The following IL34 variants were observed in gnomAD, a reference collection of about 807,000 sequenced individuals.
The protein encoded by IL34 is interleukin-34.
A neutral mutation model predicts 25.3 loss-of-function variants in IL34; 17 were observed. The ratio of observed to expected loss-of-function variants is 0.67; its 90% CI spans 0.46 to 1.01. IL34 has a LOEUF of 1.01. Among genes scored for constraint, IL34 ranks in the 50% least tolerant of loss-of-function variants. IL34 has a pLI of 0.00. For synonymous variants in IL34, 174 were observed against 140.9 expected (o/e 1.23, Z -1.66); for missense variants, 368 against 312.9 (o/e 1.18, Z -1.33).
intron 1 of IL34, among the ~76,000 whole-genome samples, chr16:70,628,931 G>GCA (rs2051457780): frequency 6.6e-6 from 1 of 151,916 alleles, no homozygotes; most frequent in Non-Finnish European, 1.5e-5. Flanking sequence ...GGGACAGCAA[G>GCA]CATGTACCAT....
intron 1 of IL34, among the ~76,000 whole-genome samples, chr16:70,636,585 T>TCACACACA (rs34816911): frequency 0.013 from 1,778 of 136,458 alleles, 36 homozygotes; most frequent in African/African-American, 0.039. Flanking sequence ...GCAAACCCTG[T>TCACACACA]CACACACACA....
At position 70,660,111 on chromosome 16, in the gene IL34, GGTCCCCCA is replaced by G; in HGVS notation, c.655_662del (p.Ser219LeufsTer31). The G allele has an allele frequency of 6.2e-7, 1 of 1,613,290 alleles. No individual in the cohort carries two copies. The highest frequency in any genetic ancestry group is 8.5e-7 in the Non-Finnish European group (1 of 1,179,776). ...ACCCAGCTGTACCCTCCGCCCCCGT[GGTCCCCCA>G]GCTCCCCGCCTCACTCCACGGGCTC... On this transcript the variant is annotated frameshift_variant, in exon 6 of 6. Coordinates refer to ENST00000288098, the MANE Select transcript of IL34 (RefSeq NM_001393494.1). LOFTEE classifies it low-confidence loss of function (END_TRUNC).
At chr16:70,630,568 CTCT>C (rs552622704) in intron 1 of IL34, among the ~76,000 whole-genome samples, 3 of 151,658 alleles carry the variant, frequency 2.0e-5, no homozygotes, top group Admixed American at 6.6e-5. Flanking sequence ...CTCTCCTCTC[CTCT>C]TCTTTCTTTT....
At chr16:70,657,691 C>T (rs1277238076) in intron 4 of IL34, among the ~76,000 whole-genome samples, 1 of 152,152 alleles carries the variant, frequency 6.6e-6, no homozygotes, top group Non-Finnish European at 1.5e-5. Flanking sequence ...AGGAGAATCG[C>T]TTGAACCTGG....
At chr16:70,591,018 C>T (rs1161748042) in intron 1 of IL34, among the ~76,000 whole-genome samples, 1 of 152,240 alleles carries the variant, frequency 6.6e-6, no homozygotes, top group Non-Finnish European at 1.5e-5. Flanking sequence ...CCAGCCTGCT[C>T]GGGTCTCCGG....
intron 5 of IL34, 103 bp downstream of exon 5, chr16:70,659,856 C>T: frequency 6.7e-7 from 1 of 1,489,384 alleles, no homozygotes; most frequent in South Asian, 1.3e-5. Flanking sequence ...ATATCCTCTG[C>T]TCCCCGGGGC....
chr16:70,658,232 G>A (rs945898081), intron 4 of IL34, among the ~76,000 whole-genome samples: 2 of 152,220 alleles, frequency 1.3e-5, no homozygotes, highest in Admixed American at 6.5e-5. Flanking sequence ...GCAGCTGCCT[G>A]GAGCTTTCCT....
intron 1 of IL34, among the ~76,000 whole-genome samples, chr16:70,632,399 A>G (rs947132051): frequency 6.6e-6 from 1 of 152,232 alleles, no homozygotes; most frequent in Non-Finnish European, 1.5e-5. Flanking sequence ...GAAGTTAAAA[A>G]CAAAATCTCC....
chr16:70,634,545 T>C (rs564011476), intron 1 of IL34, among the ~76,000 whole-genome samples: 20 of 152,150 alleles, frequency 1.3e-4, no homozygotes, highest in African/African-American at 4.8e-4. Flanking sequence ...CTGGGTGTGG[T>C]GGCACGTGCC....
chr16:70,634,500 T>G (rs915227962), intron 1 of IL34, among the ~76,000 whole-genome samples: 3 of 151,838 alleles, frequency 2.0e-5, no homozygotes, highest in Admixed American at 1.3e-4. Context: ...ACCAACAAGG[T>G]GAAACCCCAT....
chr16:70,608,126 C>CTTTT (rs869059231), intron 1 of IL34, among the ~76,000 whole-genome samples: 5 of 38,880 alleles, frequency 1.3e-4, no homozygotes, highest in Non-Finnish European at 3.2e-4. Flanking sequence ...TTTCTTTTTT[C>CTTTT]TTTTTTTTTT....
intron 1 of IL34, among the ~76,000 whole-genome samples, chr16:70,636,285 C>T (rs755522933): frequency 2.0e-5 from 3 of 152,104 alleles, no homozygotes; most frequent in Non-Finnish European, 4.4e-5. Flanking sequence ...ATCCCCCTGC[C>T]TCAGCCTCCC....
At chr16:70,639,548 CAA>C (rs1288135400) in intron 1 of IL34, among the ~76,000 whole-genome samples, 1 of 152,184 alleles carries the variant, frequency 6.6e-6, no homozygotes, top group Non-Finnish European at 1.5e-5. Flanking sequence ...CCAACATCAG[CAA>C]AGAGTGGAGT....
intron 1 of IL34, among the ~76,000 whole-genome samples, chr16:70,600,950 T>G (rs1343356247): frequency 7.5e-6 from 1 of 133,264 alleles, no homozygotes; most frequent in African/African-American, 3.2e-5. Flanking sequence ...CTGGGAGGAG[T>G]AGGGGATGCT....
At chr16:70,597,283 C>T (rs115999653) in intron 1 of IL34, among the ~76,000 whole-genome samples, 4,898 of 151,820 alleles carry the variant, frequency 0.032, 297 homozygotes, top group African/African-American at 0.11. Flanking sequence ...TCCAGTGGCA[C>T]GATCATGGCT....
At chr16:70,641,070 G>T (rs1250560867) in intron 1 of IL34, among the ~76,000 whole-genome samples, 2 of 152,044 alleles carry the variant, frequency 1.3e-5, no homozygotes, top group African/African-American at 4.8e-5. Flanking sequence ...TCAGAAATTT[G>T]AGACCAGCCT....
chr16:70,593,583 T>C (rs889610775), intron 1 of IL34, among the ~76,000 whole-genome samples: 1 of 152,276 alleles, frequency 6.6e-6, no homozygotes, highest in South Asian at 2.1e-4. Context: ...AGTGGCATGA[T>C]TGTGGCTCAT....
rs192744890 is a variant in IL34 at position 70,597,156 on chromosome 16, C to T, written c.-401+17107C>T. On this transcript the variant is annotated intron_variant, in intron 1 of 6. Transcript: ENST00000429149. ...CACTGCTTTGGGCCATTACTGACTTCCTTATTTCCTAGGGGCCCATCTCCT... is the reference window on the plus strand; with the variant it reads ...CACTGCTTTGGGCCATTACTGACTTTCTTATTTCCTAGGGGCCCATCTCCT... 1.8e-3 allele frequency among the ~76,000 whole-genome samples: 274 copies of T among 152,204 alleles called. 1 individual carries two copies. Among genetic ancestry groups the T allele is most frequent in the Non-Finnish European group, 3.4e-3 (228 of 68,008 alleles).
intron 1 of IL34, among the ~76,000 whole-genome samples, chr16:70,589,058 G>A (rs1215637543): frequency 3.3e-5 from 5 of 152,074 alleles, no homozygotes; most frequent in African/African-American, 4.8e-5. Flanking sequence ...CTAGCTGAGC[G>A]TGGTGGCGGG....
Sources: gnomAD v4.1 joint callset for allele counts (sites outside exome capture counted in the v4.1 genomes callset) on GRCh38, gnomAD v4.1.1 for gene constraint, MANE v1.5 for transcripts, NCBI Gene and HGNC (gene_info 2026-07-23, HGNC 2026-07-21) for gene names.